The following AMMECR1L variants were observed in gnomAD, a reference collection of about 807,000 sequenced individuals.
AMMECR1L encodes the protein AMMECR1 like, also known as AMMECR1-like protein.
A neutral mutation model predicts 36.8 loss-of-function variants in AMMECR1L; 4 were observed. That is an observed-to-expected ratio of 0.11 (90% CI 0.05 to 0.25). AMMECR1L has a LOEUF of 0.25. Among genes scored for constraint, AMMECR1L ranks in the 10% least tolerant of loss-of-function variants. The probability of loss-of-function intolerance (pLI) is 1.00; values close to 1 mark genes in which losing one functional copy is unlikely to be tolerated. For missense variants in AMMECR1L, 232 were observed against 392.1 expected, an observed-to-expected ratio of 0.59 and a Z score of 3.45; for synonymous variants, 147 against 148.0, an observed-to-expected ratio of 0.99 and a Z score of 0.05.
Position 127,873,093 on chromosome 2 carries a change from T to C in AMMECR1L, c.407+735A>G. 3.0e-6 allele frequency: 3 copies of C among 985,274 alleles called. No homozygotes were observed. Among genetic ancestry groups the C allele is most frequent in the Non-Finnish European group, 3.6e-6 (3 of 829,914 alleles). The allele number at this position is 985,274 out of a possible 1,614,324, so 61.0% of individuals were successfully genotyped here. ...CAATCAACAACTGAGGAATGAATAA[T>C]CTCATATCAATGAACACTCCAAAAG... On this transcript the variant is annotated intron_variant, in intron 3 of 7. Coordinates refer to ENST00000272647, the MANE Select transcript of AMMECR1L (RefSeq NM_001199140.2). This position sits in a 1 kb window ranked among gnomAD's most constrained non-coding sequence, Gnocchi z 5.2.
rs1013413459 is a variant in AMMECR1L at position 127,868,718 on chromosome 2, T to C, written c.724+736A>G. 6.6e-5 allele frequency among the ~76,000 whole-genome samples: 10 copies of C among 151,910 alleles called. No homozygotes were observed. In the East Asian group the frequency reaches 9.7e-4, roughly 15 times the overall value. ...TTAACGTCCCCATCAGAAGAACTTATAGGCTACTGAGTTTTTTTTTTTTTG... is the reference window on the plus strand; with the variant it reads ...TTAACGTCCCCATCAGAAGAACTTACAGGCTACTGAGTTTTTTTTTTTTTG... On this transcript the variant is annotated intron_variant, in intron 6 of 7. Transcript: ENST00000272647.
At chr2:127,870,098 C>T (rs771044351) in intron 5 of AMMECR1L, among the ~76,000 whole-genome samples, 9 of 152,084 alleles carry the variant, frequency 5.9e-5, no homozygotes, top group Non-Finnish European at 8.8e-5. Flanking sequence ...AGGTGGATCA[C>T]GAGGTCAAGA....
intron 5 of AMMECR1L, 142 bp downstream of exon 5, chr2:127,870,672 A>T: frequency 1.7e-6 from 1 of 593,088 alleles, no homozygotes; most frequent in Non-Finnish European, 2.9e-6. Flanking sequence ...CTCTTCTGTC[A>T]CCTATGTTGC....
At chr2:127,885,327 C>T in intron 1 of AMMECR1L, 1 of 982,190 alleles carries the variant, frequency 1.0e-6, no homozygotes. Context: ...GTCCGGGGCG[C>T]TGGGGAGTTG....
At chr2:127,880,263 G>A (rs1691431819) in intron 2 of AMMECR1L, among the ~76,000 whole-genome samples, 1 of 152,096 alleles carries the variant, frequency 6.6e-6, no homozygotes. Context: ...TCAGCTCAAG[G>A]GCCATGGTGA....
intron 2 of AMMECR1L, among the ~76,000 whole-genome samples, chr2:127,876,349 C>T (rs1390303320): frequency 9.0e-6 from 1 of 111,132 alleles, no homozygotes; most frequent in Non-Finnish European, 1.9e-5. Flanking sequence ...GGCCCTGTCT[C>T]AAAAAAAAAA....
chr2:127,865,256 G>T lies in AMMECR1L; in HGVS notation c.822-51C>A. 1 of 1,337,030 alleles carries T rather than the reference G, an allele frequency of 7.5e-7. No homozygotes were observed. The highest frequency in any genetic ancestry group is 1.0e-6 in the Non-Finnish European group (1 of 955,338). The allele number at this position is 1,337,030 out of a possible 1,614,324, so 82.8% of individuals were successfully genotyped here. A position where few individuals can be genotyped will look rare whatever the true frequency, so the allele number is the denominator to read the frequency against. ...TTAGGAACCCCAAACGCTTCATTTT[G>T]TAAAGTCACTCAGCAGAGAAAAACC... On this transcript the variant is annotated intron_variant, in intron 7 of 7. Coordinates refer to ENST00000272647, the MANE Select transcript of AMMECR1L (RefSeq NM_001199140.2). This position sits in a 1 kb window ranked among gnomAD's most constrained non-coding sequence, Gnocchi z 5.4.
intron 2 of AMMECR1L, among the ~76,000 whole-genome samples, chr2:127,882,399 G>A (rs1039577523): frequency 1.3e-5 from 2 of 152,134 alleles, no homozygotes; most frequent in Admixed American, 1.3e-4. Flanking sequence ...ATTACATTAT[G>A]GGTACTGAAA....
intron 2 of AMMECR1L, among the ~76,000 whole-genome samples, chr2:127,883,617 C>T (rs17015633): frequency 0.085 from 12,922 of 152,122 alleles, 1,389 homozygotes; most frequent in African/African-American, 0.24. Context: ...AAACTCTCTC[C>T]TAAGTGTTAG....
rs1558993256 is a variant in AMMECR1L, at chr2:127,870,932, GAGGGGGACAGA to G, written c.519-15_519-5del. On this transcript the variant is annotated splice_polypyrimidine_tract_variant and splice_region_variant and intron_variant, in intron 4 of 7. Transcript: ENST00000272647. ...AAATCGGCTGTCCTTAAGTGCACTG[GAGGGGGACAGA>G]AAACATAGGTAAGGCTGCTCTGGAG... The G allele has an allele frequency of 6.2e-7, 1 of 1,607,612 alleles. No individual in the cohort carries two copies.
In AMMECR1L at chr2:127,871,296, G is replaced by A; in HGVS notation, c.471C>T (p.Phe157=). The part of the protein sequence containing the change: ...DKRLRGCIGT[F]SAMNLHSGLR... ...GTCCTGAATGAAGATTCATGGCTGA[G>A]AAGGTCCCAATGCAGCCACGAAGCC... The change falls in exon 4 of 8, where the codon TTC becomes TTT. Residue 157 remains phenylalanine, a synonymous_variant. Coordinates refer to ENST00000272647, the MANE Select transcript of AMMECR1L (RefSeq NM_001199140.2). The surrounding 1 kb of genome is among the most constrained non-coding windows in gnomAD (Gnocchi z 4.3). 1 of 1,614,132 alleles carries A rather than the reference G, an allele frequency of 6.2e-7. No homozygotes were observed. The highest frequency in any genetic ancestry group is 8.5e-7 in the Non-Finnish European group (1 of 1,180,020).
At position 127,864,990 on chromosome 2, in the gene AMMECR1L, T is replaced by G; in HGVS notation, c.*104A>C. ...AACGGAAGCTAGCATCATAAAATGG[T>G]GCAGTAATAGAAGTAACTGGACCAG... is the stretch of plus-strand genomic sequence containing the variant. On this transcript the variant is annotated 3_prime_UTR_variant, in exon 8 of 8. Transcript: ENST00000272647. 1.3e-6 allele frequency: 1 copy of G among 751,178 alleles called. No homozygotes were observed. Among genetic ancestry groups the G allele is most frequent in the Non-Finnish European group, 2.2e-6 (1 of 452,036 alleles). The allele number at this position is 751,178 out of a possible 1,614,324, so 46.5% of individuals were successfully genotyped here.
intron 1 of AMMECR1L, chr2:127,885,499 T>C (rs1235881781): frequency 9.2e-6 from 9 of 981,116 alleles, no homozygotes; most frequent in Admixed American, 6.3e-5. Context: ...GCCTGCTTCC[T>C]GGAGGGAGTG....
Position 127,885,945 on chromosome 2 carries a change from C to A in AMMECR1L, c.-284G>T. On this transcript the variant is annotated 5_prime_UTR_variant, in exon 1 of 8. Transcript: ENST00000272647. ...GCCTGCGGGCGGGCCGGACGCGCTGCGCGGACGGGGCGGGGCGAAGGAGGC... is the reference window on the plus strand; with the variant it reads ...GCCTGCGGGCGGGCCGGACGCGCTGAGCGGACGGGGCGGGGCGAAGGAGGC... 2.0e-6 allele frequency: 2 copies of A among 990,438 alleles called. No individual in the cohort carries two copies. The highest frequency in any genetic ancestry group is 2.4e-6 in the Non-Finnish European group (2 of 833,958). The allele number at this position is 990,438 out of a possible 1,614,324, so 61.4% of individuals were successfully genotyped here. A position where few individuals can be genotyped will look rare whatever the true frequency, so the allele number is the denominator to read the frequency against.
chr2:127,866,962 G>C lies in AMMECR1L; in HGVS notation c.759C>G (p.Leu253=). The stretch of plus-strand genomic sequence containing the variant: ...TTGGAGCTTTAAAGCCACCTTTCCT[G>C]AGCAAGGAGTCTATTGTCTGGATCT... The part of the protein sequence containing the change: ...WDQIQTIDSL[L]RKGGFKAPIT... Residue 253 remains leucine, a synonymous_variant, in exon 7 of 8, where the codon CTC becomes CTG. Coordinates refer to ENST00000272647, the MANE Select transcript of AMMECR1L (RefSeq NM_001199140.2). 1 of 1,614,214 alleles carries C rather than the reference G, an allele frequency of 6.2e-7. No homozygotes were observed. Among genetic ancestry groups the C allele is most frequent in the South Asian group, 1.1e-5 (1 of 91,080 alleles).
At position 127,878,286 on chromosome 2, in the gene AMMECR1L, G is replaced by T. The variant is rs532304098; in HGVS notation, c.-38-4014C>A. Among the ~76,000 whole-genome samples, 152 of 152,240 alleles carry T rather than the reference G, an allele frequency of 1.0e-3. 1 individual carries two copies. Among genetic ancestry groups the T allele is most frequent in the African/African-American group, 3.2e-3 (132 of 41,520 alleles). On this transcript the variant is annotated intron_variant, in intron 2 of 7. Coordinates refer to ENST00000272647, the MANE Select transcript of AMMECR1L (RefSeq NM_001199140.2). ...GAGTTCTCACTTGACTCTACTTTGT[G>T]TGCAACTGTGGGCAGCGAGCTAGAG...
In AMMECR1L at chr2:127,867,000, G is replaced by T. The variant is rs1558990655; in HGVS notation, c.725-4C>A. The T allele has an allele frequency of 6.2e-6, 10 of 1,614,140 alleles. No homozygotes were observed. Among genetic ancestry groups the T allele is most frequent in the African/African-American group, 1.3e-5 (1 of 75,056 alleles). On this transcript the variant is annotated splice_polypyrimidine_tract_variant and splice_region_variant and intron_variant, in intron 6 of 7. Coordinates refer to ENST00000272647, the MANE Select transcript of AMMECR1L (RefSeq NM_001199140.2). ...ATTGTCTGGATCTGATCCCAGTCTGGGGAGGAGAAAGGCCACACTGAGGTC... is the reference window on the plus strand; with the variant it reads ...ATTGTCTGGATCTGATCCCAGTCTGTGGAGGAGAAAGGCCACACTGAGGTC...
At chr2:127,876,119 CAGG>C (rs1054916489) in intron 2 of AMMECR1L, among the ~76,000 whole-genome samples, 2 of 147,170 alleles carry the variant, frequency 1.4e-5, no homozygotes, top group East Asian at 2.0e-4. Context: ...GAGGCCGAGG[CAGG>C]AGGATTCCTT....
chr2:127,865,229 T>A lies in AMMECR1L; in HGVS notation c.822-24A>T. On this transcript the variant is annotated intron_variant, in intron 7 of 7. Coordinates refer to ENST00000272647, the MANE Select transcript of AMMECR1L (RefSeq NM_001199140.2). This position sits in a 1 kb window ranked among gnomAD's most constrained non-coding sequence, Gnocchi z 5.4. ...ACCTGTATGAGGAAACAGGAAAGGGTATTAGGAACCCCAAACGCTTCATTT... is the reference window on the plus strand; with the variant it reads ...ACCTGTATGAGGAAACAGGAAAGGGAATTAGGAACCCCAAACGCTTCATTT... The A allele has an allele frequency of 1.3e-6, 2 of 1,552,314 alleles. No individual in the cohort carries two copies. The highest frequency in any genetic ancestry group is 1.8e-6 in the Non-Finnish European group (2 of 1,130,662).
Sources: gnomAD v4.1 joint callset for allele counts (sites outside exome capture counted in the v4.1 genomes callset) on GRCh38, gnomAD v4.1.1 for gene constraint, Gnocchi (gnomAD v3.1) non-coding constraint, MANE v1.5 for transcripts, NCBI Gene and HGNC (gene_info 2026-07-23, HGNC 2026-07-21) for gene names.